Variants in CACNA1C observed in about 807,000 individuals in gnomAD.
The protein encoded by CACNA1C is calcium voltage-gated channel subunit alpha1 C, also known as voltage-dependent L-type calcium channel subunit alpha-1C.
In CACNA1C, 30 loss-of-function variants were observed where a neutral mutation model predicts 229.0. The observed-to-expected ratio is 0.13, with a 90% CI of 0.10 to 0.18. CACNA1C has a LOEUF of 0.18. CACNA1C is among the 10% of genes least tolerant of loss of function. The probability of loss-of-function intolerance (pLI) is 1.00; values close to 1 mark genes in which losing one functional copy is unlikely to be tolerated. For missense variants in CACNA1C, 1,658 were observed against 2,845.0 expected, an observed-to-expected ratio of 0.58 and a Z score of 9.49; for synonymous variants, 1,114 against 1,132.5, an observed-to-expected ratio of 0.98 and a Z score of 0.33.
intron 9 of CACNA1C, among the ~76,000 whole-genome samples, chr12:2,524,551 A>G (rs2099815382): frequency 6.6e-6 from 1 of 152,268 alleles, no homozygotes; most frequent in African/African-American, 2.4e-5. Flanking sequence ...TGCTTAGTAC[A>G]GTAAAGGTTA....
At position 2,597,559 on chromosome 12, in the gene CACNA1C, T is replaced by C. The variant is rs1227858660; in HGVS notation, c.2853+270T>C. 4 of 1,051,502 alleles carry C rather than the reference T, an allele frequency of 3.8e-6. No homozygotes were observed. Among genetic ancestry groups the C allele is most frequent in the Non-Finnish European group, 5.9e-6 (4 of 672,566 alleles). The allele number at this position is 1,051,502 out of a possible 1,614,324, so 65.1% of individuals were successfully genotyped here. A position where few individuals can be genotyped will look rare whatever the true frequency, so the allele number is the denominator to read the frequency against. On this transcript the variant is annotated intron_variant, in intron 21 of 46. Transcript: ENST00000399655. The surrounding 1 kb of genome is among the most constrained non-coding windows in gnomAD (Gnocchi z 4.3). ...TTTGTCTATCTCTGCTCTGTGTGGC[T>C]GGATCTTTTGTCTTTTCTGTTTCTT...
chr12:2,104,673 TTTTTGCCCATTCCG>T (rs1468968342), intron 1 of CACNA1C, among the ~76,000 whole-genome samples: 2 of 152,078 alleles, frequency 1.3e-5, no homozygotes, highest in African/African-American at 4.8e-5. Flanking sequence ...ATGCTTCCAG[TTTTTGCCCATTCCG>T]TAATCTCTGC....
Position 2,679,868 on chromosome 12 carries a change from G to A in CACNA1C, c.5444+72G>A, listed in dbSNP as rs2097039936. 5 of 1,135,860 alleles carry A rather than the reference G, an allele frequency of 4.4e-6. 1 individual carries two copies. In the Admixed American group the frequency reaches 1.3e-4, roughly 30 times the overall value. 70.4% of individuals were successfully genotyped at this position (1,135,860 alleles called of 1,614,324 possible). A position where few individuals can be genotyped will look rare whatever the true frequency, so the allele number is the denominator to read the frequency against. On this transcript the variant is annotated intron_variant, in intron 42 of 46. Coordinates refer to ENST00000399655, the MANE Select transcript of CACNA1C (RefSeq NM_000719.7). The surrounding 1 kb of genome is among the most constrained non-coding windows in gnomAD (Gnocchi z 5.5). ...CTGCAACCCTCAGGAGACAGTGGAG[G>A]AGACGGAGGCCTCGGCCAGCCACTT...
chr12:2,469,135 C>T (rs1259314688), intron 5 of CACNA1C, among the ~76,000 whole-genome samples: 1 of 152,014 alleles, frequency 6.6e-6, no homozygotes, highest in South Asian at 2.1e-4. Context: ...AGAATCACAT[C>T]GGGAGGGGAA....
At chr12:2,122,779 T>C (rs1002206880) in intron 3 of CACNA1C, among the ~76,000 whole-genome samples, 93 of 152,332 alleles carry the variant, frequency 6.1e-4, no homozygotes, top group African/African-American at 2.1e-3. Context: ...ACATCTCCAG[T>C]GCTAAGCCTT....
intron 1 of CACNA1C, among the ~76,000 whole-genome samples, chr12:2,043,389 C>G (rs1040656914): frequency 3.3e-5 from 5 of 152,154 alleles, no homozygotes; most frequent in Non-Finnish European, 7.3e-5. Context: ...GGTTCTGGTT[C>G]ACAAAGTCAC....
At chr12:2,330,038 G>A (rs1310114580) in intron 3 of CACNA1C, among the ~76,000 whole-genome samples, 1 of 152,232 alleles carries the variant, frequency 6.6e-6, no homozygotes, top group Non-Finnish European at 1.5e-5. Context: ...GGTGAAGAAG[G>A]CCACAGGAAC....
chr12:2,361,103 C>T (rs1191266016), intron 3 of CACNA1C, among the ~76,000 whole-genome samples: 1 of 151,376 alleles, frequency 6.6e-6, no homozygotes, highest in African/African-American at 2.4e-5. Context: ...GGTTGGGGGG[C>T]TGGGATCATT....
intron 3 of CACNA1C, among the ~76,000 whole-genome samples, chr12:2,239,853 A>G (rs1007982620): frequency 2.6e-5 from 4 of 152,146 alleles, no homozygotes; most frequent in African/African-American, 9.7e-5. Flanking sequence ...ATGCCCAGAC[A>G]AGGGGCAGGG....
At chr12:2,022,475 T>A (rs1191176443) in intron 1 of CACNA1C, among the ~76,000 whole-genome samples, 1 of 151,864 alleles carries the variant, frequency 6.6e-6, no homozygotes, top group Non-Finnish European at 1.5e-5. Flanking sequence ...TTTTTTTTTT[T>A]TTTTTGAGAC....
At chr12:2,050,198 A>G (rs2051885356), upstream of CACNA1C, among the ~76,000 whole-genome samples, 1 of 152,070 alleles carries the variant, frequency 6.6e-6, no homozygotes, top group African/African-American at 2.4e-5. Flanking sequence ...CAGCTCACCC[A>G]CACTTCACCC....
intron 3 of CACNA1C, among the ~76,000 whole-genome samples, chr12:2,230,402 A>G (rs529004808): frequency 2.6e-5 from 4 of 152,158 alleles, no homozygotes; most frequent in Non-Finnish European, 5.9e-5. Context: ...GGCGGGGCCG[A>G]GCCTGGAAGC....
chr12:2,588,918 C>A (rs2063822200), intron 18 of CACNA1C, among the ~76,000 whole-genome samples: 1 of 152,010 alleles, frequency 6.6e-6, no homozygotes, highest in Non-Finnish European at 1.5e-5. Flanking sequence ...ACCGCCTGTG[C>A]TGGGGGAGGC....
chr12:2,457,334 A>G (rs980826795), intron 4 of CACNA1C, among the ~76,000 whole-genome samples: 1 of 152,172 alleles, frequency 6.6e-6, no homozygotes, highest in African/African-American at 2.4e-5. Flanking sequence ...CCTGCCCCTC[A>G]GCTCGCTCAG....
chr12:1,976,843 G>C (rs139664946), intron 1 of CACNA1C, among the ~76,000 whole-genome samples: 2 of 151,452 alleles, frequency 1.3e-5, no homozygotes, highest in Admixed American at 6.6e-5. Flanking sequence ...TTGAGGAAAG[G>C]GGGAGAGGGA....
At chr12:2,093,036 C>G (rs981575783) in intron 1 of CACNA1C, among the ~76,000 whole-genome samples, 1 of 152,230 alleles carries the variant, frequency 6.6e-6, no homozygotes, top group Non-Finnish European at 1.5e-5. Flanking sequence ...AAACCCCGCA[C>G]TCTGGCAGAG....
chr12:2,660,565 C>G (rs2095658133), intron 34 of CACNA1C: 1 of 152,042 alleles, frequency 6.6e-6, no homozygotes, highest in Non-Finnish European at 1.5e-5. Flanking sequence ...GTGGCTCACA[C>G]CTGTAATCCT....
In CACNA1C at chr12:2,507,094, A is replaced by G. The variant is rs185137431; in HGVS notation, c.1217+2149A>G. 7.7e-4 allele frequency among the ~76,000 whole-genome samples: 118 copies of G among 152,356 alleles called. 1 individual carries two copies. The highest frequency in any genetic ancestry group is 1.4e-3 in the Non-Finnish European group (94 of 68,034). On this transcript the variant is annotated intron_variant, in intron 8 of 46. Coordinates refer to ENST00000399655, the MANE Select transcript of CACNA1C (RefSeq NM_000719.7). ...AATATTCAAAAATGTTGGTTGACTCAGAACAAGAACATTAAGGCTATCTGA... is the reference window on the plus strand; with the variant it reads ...AATATTCAAAAATGTTGGTTGACTCGGAACAAGAACATTAAGGCTATCTGA...
chr12:2,100,480 C>CAAAAAAAAAAAAACA (rs34845739), intron 1 of CACNA1C, among the ~76,000 whole-genome samples: 1 of 118,600 alleles, frequency 8.4e-6, no homozygotes. Flanking sequence ...AAAAAAAAAA[C>CAAAAAAAAAAAAACA]AAAAAAAAAA....
Sources: gnomAD v4.1 joint callset for allele counts (sites outside exome capture counted in the v4.1 genomes callset) on GRCh38, gnomAD v4.1.1 for gene constraint, Gnocchi (gnomAD v3.1) non-coding constraint, MANE v1.5 for transcripts, NCBI Gene and HGNC (gene_info 2026-07-23, HGNC 2026-07-21) for gene names.